The following PITPNC1 variants were observed in gnomAD, a reference collection of about 807,000 sequenced individuals.
PITPNC1 encodes cytoplasmic phosphatidylinositol transfer protein 1.
PITPNC1 carries 18 observed loss-of-function variants against 44.7 expected under a neutral mutation model. That is an observed-to-expected ratio of 0.40 (90% CI 0.28 to 0.60). PITPNC1 has a LOEUF of 0.60. Ranked by LOEUF, PITPNC1 falls within the 20% of genes least tolerant of loss-of-function variation. PITPNC1 has a pLI of 0.39. For synonymous variants in PITPNC1, 141 were observed against 149.6 expected, an observed-to-expected ratio of 0.94 and a Z score of 0.42; for missense variants, 290 against 418.4, an observed-to-expected ratio of 0.69 and a Z score of 2.68.
At chr17:67,529,787 A>C (rs1226059931) in intron 1 of PITPNC1, among the ~76,000 whole-genome samples, 3 of 152,174 alleles carry the variant, frequency 2.0e-5, no homozygotes, top group African/African-American at 7.2e-5. Flanking sequence ...TCTCTACTAA[A>C]AATATAAAAA....
chr17:67,574,313 G>T (rs1267995694), intron 4 of PITPNC1, among the ~76,000 whole-genome samples: 1 of 152,228 alleles, frequency 6.6e-6, no homozygotes, highest in Non-Finnish European at 1.5e-5. Context: ...CACTGAAAAA[G>T]AGGAGGATAT....
rs138843951 is a variant in PITPNC1, at chr17:67,529,854, A to G, written c.49-2948A>G. 4.8e-3 allele frequency among the ~76,000 whole-genome samples: 731 copies of G among 152,286 alleles called. 4 individuals carry two copies. The highest frequency in any genetic ancestry group is 0.017 in the African/African-American group (703 of 41,558). ...TCCCAGCTGCTTGGGAGGCTGAGGC[A>G]GGAGAATCACTTGAGCCTGGTAGGC... On this transcript the variant is annotated intron_variant, in intron 1 of 8. Coordinates refer to ENST00000581322, the MANE Select transcript of PITPNC1 (RefSeq NM_012417.4).
intron 6 of PITPNC1, among the ~76,000 whole-genome samples, chr17:67,650,963 C>T (rs1398058019): frequency 6.6e-6 from 1 of 152,162 alleles, no homozygotes; most frequent in Non-Finnish European, 1.5e-5. Flanking sequence ...TTAAGAGAGT[C>T]ATTTTGCAGA....
intron 1 of PITPNC1, among the ~76,000 whole-genome samples, chr17:67,469,276 C>T (rs138076427): frequency 2.0e-5 from 3 of 152,226 alleles, no homozygotes; most frequent in African/African-American, 7.2e-5. Flanking sequence ...GCCAAGCACC[C>T]GCCCCACTGC....
At chr17:67,607,290 G>C (rs2041619982) in intron 5 of PITPNC1, among the ~76,000 whole-genome samples, 1 of 152,218 alleles carries the variant, frequency 6.6e-6, no homozygotes, top group Non-Finnish European at 1.5e-5. Context: ...TTTCAGGAAA[G>C]GATGCCAGCC....
intron 6 of PITPNC1, among the ~76,000 whole-genome samples, chr17:67,637,201 T>A (rs1030971477): frequency 7.9e-5 from 12 of 152,334 alleles, no homozygotes; most frequent in African/African-American, 2.4e-4. Flanking sequence ...TTGCTTTTTT[T>A]CTTCCAGCAG....
At chr17:67,490,768 A>G (rs538309520) in intron 1 of PITPNC1, among the ~76,000 whole-genome samples, 2 of 152,326 alleles carry the variant, frequency 1.3e-5, no homozygotes, top group East Asian at 3.9e-4. Context: ...AGAACATAGC[A>G]CAGGACTCTG....
At chr17:67,399,986 A>G (rs2038283338) in intron 1 of PITPNC1, among the ~76,000 whole-genome samples, 1 of 152,148 alleles carries the variant, frequency 6.6e-6, no homozygotes, top group Non-Finnish European at 1.5e-5. Flanking sequence ...TTTGGCCTGT[A>G]TTAGGGGCTG....
intron 1 of PITPNC1, among the ~76,000 whole-genome samples, chr17:67,397,640 A>AT (rs775548139): frequency 7.2e-5 from 11 of 152,086 alleles, no homozygotes; most frequent in African/African-American, 2.7e-4. Context: ...GCTGGGGTAA[A>AT]ACCTGCTTAC....
At chr17:67,483,259 G>C (rs927239254) in intron 1 of PITPNC1, among the ~76,000 whole-genome samples, 5 of 152,170 alleles carry the variant, frequency 3.3e-5, no homozygotes, top group Admixed American at 6.5e-5. Context: ...AATTTTATAA[G>C]GAAGTTTCAC....
intron 6 of PITPNC1, chr17:67,632,449 A>T: frequency 1.8e-6 from 1 of 571,114 alleles, no homozygotes; most frequent in Non-Finnish European, 3.1e-6. Flanking sequence ...CTCAATCTCC[A>T]CTTAGTTTTC....
chr17:67,427,329 G>A lies in PITPNC1; in HGVS notation c.48+49127G>A, dbSNP rs1289180959. ...AGGTTCAAGCAATTCTCCTGCTTCAGCCTCCCGAGTAGCTGGGACCACAGG... is the reference window on the plus strand; with the variant it reads ...AGGTTCAAGCAATTCTCCTGCTTCAACCTCCCGAGTAGCTGGGACCACAGG... On this transcript the variant is annotated intron_variant, in intron 1 of 8. Coordinates refer to ENST00000581322, the MANE Select transcript of PITPNC1 (RefSeq NM_012417.4). 5.3e-5 allele frequency among the ~76,000 whole-genome samples: 8 copies of A among 152,200 alleles called. No homozygotes were observed. The South Asian group carries it at 1.7e-3, about 32-fold the overall frequency.
At chr17:67,561,387 C>T (rs188239244) in intron 4 of PITPNC1, among the ~76,000 whole-genome samples, 12 of 150,860 alleles carry the variant, frequency 8.0e-5, no homozygotes, top group East Asian at 7.8e-4. Context: ...ACCTGGGATG[C>T]GGAGGTTGCA....
intron 5 of PITPNC1, among the ~76,000 whole-genome samples, chr17:67,607,981 C>T (rs1301108577): frequency 1.3e-5 from 2 of 152,036 alleles, no homozygotes; most frequent in Admixed American, 6.6e-5. Flanking sequence ...TCACCCACCT[C>T]GGCCTCCCAA....
At chr17:67,463,696 T>C (rs1054572681) in intron 1 of PITPNC1, among the ~76,000 whole-genome samples, 9 of 151,818 alleles carry the variant, frequency 5.9e-5, no homozygotes, top group Non-Finnish European at 8.8e-5. Flanking sequence ...GCTCAGGAGT[T>C]TGAGACTGGC....
rs550939842 is a variant in PITPNC1 at position 67,406,226 on chromosome 17, T to C, written c.48+28024T>C. Among the ~76,000 whole-genome samples, 67 of 152,280 alleles carry C rather than the reference T, an allele frequency of 4.4e-4. 1 individual carries two copies. Among genetic ancestry groups the C allele is most frequent in the African/African-American group, 1.5e-3 (64 of 41,574 alleles). ...GGCGCGATCATCACGCACTACAGCC[T>C]TGAACTCCTGGGCTCAAACATTTCT... On this transcript the variant is annotated intron_variant, in intron 1 of 8. Transcript: ENST00000581322.
intron 5 of PITPNC1, among the ~76,000 whole-genome samples, chr17:67,600,303 C>T (rs749902231): frequency 7.9e-5 from 12 of 152,104 alleles, no homozygotes; most frequent in Non-Finnish European, 1.2e-4. Context: ...CACTCAAAAA[C>T]GACCCCGCAA....
chr17:67,387,441 G>A (rs1368657599), intron 1 of PITPNC1, among the ~76,000 whole-genome samples: 2 of 152,270 alleles, frequency 1.3e-5, no homozygotes, highest in African/African-American at 2.4e-5. Flanking sequence ...CGAGGCAGAC[G>A]GGTCACTTGA....
At chr17:67,463,792 G>T (rs1006324577) in intron 1 of PITPNC1, among the ~76,000 whole-genome samples, 1 of 151,792 alleles carries the variant, frequency 6.6e-6, no homozygotes, top group Non-Finnish European at 1.5e-5. Flanking sequence ...TGGTTCCGGC[G>T]GCTACTTGGG....
Sources: allele counts gnomAD v4.1 joint callset (sites outside exome capture counted in the v4.1 genomes callset), GRCh38; gene constraint gnomAD v4.1.1; transcripts MANE v1.5; gene names NCBI Gene and HGNC (gene_info 2026-07-23, HGNC 2026-07-21).